PDZD2: variants seen among roughly 807,000 people sequenced by gnomAD.
PDZD2 encodes the protein PDZ domain-containing protein 2.
A neutral mutation model predicts 220.7 loss-of-function variants in PDZD2; 90 were observed. The observed-to-expected ratio is 0.41, with a 90% CI of 0.34 to 0.49. The LOEUF is 0.49. Ranked by LOEUF, PDZD2 falls within the 20% of genes least tolerant of loss-of-function variation. The pLI is 0.28. For missense variants in PDZD2, 3,174 were observed against 3,608.5 expected, an observed-to-expected ratio of 0.88 and a Z score of 3.08; for synonymous variants, 1,375 against 1,450.5, an observed-to-expected ratio of 0.95 and a Z score of 1.18.
chr5:31,850,780 G>T (rs1758014614), intron 2 of PDZD2, among the ~76,000 whole-genome samples: 1 of 151,934 alleles, frequency 6.6e-6, no homozygotes, highest in Non-Finnish European at 1.5e-5. Context: ...GGGACTACAG[G>T]TGCATGCCAC....
intron 1 of PDZD2, among the ~76,000 whole-genome samples, chr5:31,749,930 C>T (rs1319643484): frequency 6.6e-6 from 1 of 152,228 alleles, no homozygotes; most frequent in Non-Finnish European, 1.5e-5. Flanking sequence ...AAACTGGCAT[C>T]CCGCCATGAT....
intron 2 of PDZD2, among the ~76,000 whole-genome samples, chr5:31,958,345 C>T (rs1174814389): frequency 6.6e-6 from 1 of 151,800 alleles, no homozygotes; most frequent in African/African-American, 2.4e-5. Context: ...CCTCTGCCTC[C>T]TGGGTTCAAG....
chr5:31,794,300 T>C lies in PDZD2; in HGVS notation c.-360-4589T>C, dbSNP rs534781638. On this transcript the variant is annotated intron_variant, in intron 1 of 24. Transcript: ENST00000438447. ...CTTCAAGAAGCTTTCTGGGACATTGTTTTGTTCAGGACCCAGCACATGATA... is the reference window on the plus strand; with the variant it reads ...CTTCAAGAAGCTTTCTGGGACATTGCTTTGTTCAGGACCCAGCACATGATA... Among the ~76,000 whole-genome samples, 8 of 152,246 alleles carry C rather than the reference T, an allele frequency of 5.3e-5. No homozygotes were observed. In the East Asian group the frequency reaches 1.5e-3, roughly 29 times the overall value.
intron 1 of PDZD2, among the ~76,000 whole-genome samples, chr5:31,668,140 C>T (rs898933076): frequency 3.3e-5 from 5 of 152,262 alleles, no homozygotes; most frequent in African/African-American, 1.2e-4. Context: ...GGATTACAGG[C>T]GTGGGCCGCT....
chr5:32,085,254 CT>C (rs145147102), intron 19 of PDZD2, among the ~76,000 whole-genome samples: 1,418 of 126,036 alleles, frequency 0.011, 23 homozygotes, highest in Middle Eastern at 0.05. Flanking sequence ...GCCCAGCTGC[CT>C]TTTTTTTTTT....
intron 2 of PDZD2, among the ~76,000 whole-genome samples, chr5:31,806,978 A>C (rs961946113): frequency 5.1e-5 from 7 of 137,674 alleles, no homozygotes; most frequent in Non-Finnish European, 9.1e-5. Flanking sequence ...CTTGTTGCCC[A>C]GGCTGGAGTG....
At chr5:31,660,312 T>C (rs1745710213) in intron 1 of PDZD2, among the ~76,000 whole-genome samples, 1 of 152,228 alleles carries the variant, frequency 6.6e-6, no homozygotes, top group African/African-American at 2.4e-5. Flanking sequence ...GGATACTTTA[T>C]TGTTATAACA....
intron 2 of PDZD2, among the ~76,000 whole-genome samples, chr5:31,941,497 C>T (rs1746212540): frequency 6.6e-6 from 1 of 152,192 alleles, no homozygotes; most frequent in African/African-American, 2.4e-5. Flanking sequence ...ATAAAGGATG[C>T]AGTTTGGATT....
At chr5:32,094,321 T>C (rs1743444490) in intron 21 of PDZD2, among the ~76,000 whole-genome samples, 1 of 152,202 alleles carries the variant, frequency 6.6e-6, no homozygotes, top group Non-Finnish European at 1.5e-5. Context: ...GAAGATCAAT[T>C]TCTTGGGGCT....
chr5:31,988,449 G>GA (rs397708892), intron 3 of PDZD2, among the ~76,000 whole-genome samples: 1 of 144,616 alleles, frequency 6.9e-6, no homozygotes, highest in African/African-American at 2.6e-5. Flanking sequence ...GGTGGGGGGG[G>GA]TGCATCACCC....
At chr5:31,886,134 G>C (rs1327869878) in intron 2 of PDZD2, among the ~76,000 whole-genome samples, 1 of 152,116 alleles carries the variant, frequency 6.6e-6, no homozygotes, top group Non-Finnish European at 1.5e-5. Flanking sequence ...CCTGACCTTA[G>C]TTGATCCGCC....
At chr5:31,842,800 C>T (rs1384599739) in intron 2 of PDZD2, among the ~76,000 whole-genome samples, 1 of 152,210 alleles carries the variant, frequency 6.6e-6, no homozygotes, top group Admixed American at 6.5e-5. Context: ...CTAATACTTT[C>T]ATTACTAGTT....
intron 2 of PDZD2, among the ~76,000 whole-genome samples, chr5:31,878,800 A>C (rs900284011): frequency 2.0e-5 from 3 of 151,102 alleles, no homozygotes; most frequent in African/African-American, 7.3e-5. Context: ...TGACTTCGTG[A>C]TCCGCCTGCC....
chr5:31,884,309 G>A (rs1051446372), intron 2 of PDZD2, among the ~76,000 whole-genome samples: 2 of 152,164 alleles, frequency 1.3e-5, no homozygotes, highest in Admixed American at 6.5e-5. Context: ...AGGTCTGGCC[G>A]ATCTTGTTTC....
At chr5:31,749,118 A>G (rs1750777308) in intron 1 of PDZD2, among the ~76,000 whole-genome samples, 1 of 152,132 alleles carries the variant, frequency 6.6e-6, no homozygotes, top group African/African-American at 2.4e-5. Context: ...TTCACTTCTT[A>G]CATTTTGCAA....
At chr5:32,003,500 TAAAC>T (rs550789612) in intron 5 of PDZD2, among the ~76,000 whole-genome samples, 1,441 of 99,714 alleles carry the variant, frequency 0.014, 14 homozygotes, top group Middle Eastern at 0.021. Context: ...CACCACATCA[TAAAC>T]AAACACCACA....
intron 2 of PDZD2, among the ~76,000 whole-genome samples, chr5:31,934,928 A>T (rs1745590831): frequency 4.6e-5 from 7 of 151,984 alleles, no homozygotes; most frequent in Admixed American, 4.6e-4. Flanking sequence ...CTCTACTAAA[A>T]ATACAAAAAA....
In PDZD2 at chr5:31,898,662, T is replaced by TGCCGAGA. The variant is rs565945585; in HGVS notation, c.477-84491_477-84490insCGAGAGC. Among the ~76,000 whole-genome samples, 9 of 152,286 alleles carry TGCCGAGA rather than the reference T, an allele frequency of 5.9e-5. No individual in the cohort carries two copies. In the East Asian group the frequency reaches 1.5e-3, roughly 26 times the overall value. ...GTGATGCTTGCACATAGTGTGTGGA[T>TGCCGAGA]GCTGAGAGCTTCCTGAGCCAACCCT... is the stretch of plus-strand genomic sequence containing the variant. On this transcript the variant is annotated intron_variant, in intron 2 of 24. Coordinates refer to ENST00000438447, the MANE Select transcript of PDZD2 (RefSeq NM_178140.4).
At chr5:31,968,444 G>A (rs897658610) in intron 2 of PDZD2, among the ~76,000 whole-genome samples, 8 of 151,810 alleles carry the variant, frequency 5.3e-5, no homozygotes, top group Non-Finnish European at 1.2e-4. Flanking sequence ...TCCTGAGGTT[G>A]GGAATTCGAG....
Sources: gnomAD v4.1 joint callset for allele counts (sites outside exome capture counted in the v4.1 genomes callset) on GRCh38, gnomAD v4.1.1 for gene constraint, MANE v1.5 for transcripts, NCBI Gene and HGNC (gene_info 2026-07-23, HGNC 2026-07-21) for gene names.